Variants in TULP4 observed in about 807,000 individuals in gnomAD.
TULP4 encodes tubby-related protein 4.
In TULP4, 16 loss-of-function variants were observed where a neutral mutation model predicts 129.0. That is an observed-to-expected ratio of 0.12 (90% CI 0.08 to 0.19). TULP4 has a LOEUF of 0.19. Ranked by LOEUF, TULP4 falls within the 10% of genes least tolerant of loss-of-function variation. TULP4 has a pLI of 1.00. For synonymous variants in TULP4, 998 were observed against 854.0 expected (o/e 1.17, Z -2.94); for missense variants, 1,842 against 2,059.1 (o/e 0.89, Z 2.04).
chr6:158,451,732 C>G (rs1236367760), intron 4 of TULP4, among the ~76,000 whole-genome samples: 4 of 152,236 alleles, frequency 2.6e-5, no homozygotes, highest in Non-Finnish European at 4.4e-5. Context: ...ACTTTTTTCT[C>G]TCTTAGACCA....
chr6:158,415,664 C>G (rs911246905), intron 2 of TULP4, among the ~76,000 whole-genome samples: 1 of 148,392 alleles, frequency 6.7e-6, no homozygotes, highest in African/African-American at 2.5e-5. Flanking sequence ...CCGGCCGCTT[C>G]TACTTATTAA....
chr6:158,307,443 C>A, intron 1 of TULP4, among the ~76,000 whole-genome samples: 1 of 152,154 alleles, frequency 6.6e-6, no homozygotes, highest in Non-Finnish European at 1.5e-5. Flanking sequence ...ATTTTTCATC[C>A]TTGGTTACAT....
chr6:158,412,728 G>A (rs1778123566), intron 1 of TULP4, among the ~76,000 whole-genome samples: 1 of 152,144 alleles, frequency 6.6e-6, no homozygotes, highest in Admixed American at 6.5e-5. Context: ...AGTAAATGTT[G>A]TTAAAATAGT....
chr6:158,255,267 G>A (rs1020491007), intron 1 of TULP4, among the ~76,000 whole-genome samples: 4 of 151,990 alleles, frequency 2.6e-5, no homozygotes, highest in Admixed American at 1.3e-4. Context: ...ATTGATAACC[G>A]GCAGACCCTG....
upstream of TULP4, among the ~76,000 whole-genome samples, chr6:158,279,741 T>A (rs1384340422): frequency 1.3e-5 from 2 of 152,220 alleles, no homozygotes; most frequent in Non-Finnish European, 2.9e-5. Flanking sequence ...CCCGCTAGAA[T>A]GGTGTAGGTC....
intron 6 of TULP4, among the ~76,000 whole-genome samples, chr6:158,474,066 C>T (rs2128247608): frequency 6.6e-6 from 1 of 152,364 alleles, no homozygotes; most frequent in East Asian, 1.9e-4. Context: ...AGCAATCTTC[C>T]TGCCTCAGCC....
In TULP4 at chr6:158,429,844, A is replaced by C. The variant is rs1332052318; in HGVS notation, c.490A>C (p.Ile164Leu). Reference protein sequence around the residue: ...VSGQRHWSSEINLESQITCGI... With the variant: ...VSGQRHWSSELNLESQITCGI... ...TGGACAAAGACACTGGTCATCCGAA[A>C]TCAACTTGGAAAGTCAAATTACGTG... The change falls in exon 3 of 14, where the codon ATC becomes CTC. Residue 164 changes from isoleucine to leucine, a missense_variant. By Grantham distance (5) the Ile-to-Leu change is conservative. Around this residue, in one of 5 missense-constraint regions of TULP4, gnomAD observed 151 missense variants for 268.7 expected, o/e 0.56. Transcript: ENST00000367097. 6.2e-7 allele frequency: 1 copy of C among 1,614,182 alleles called. No individual in the cohort carries two copies. Among genetic ancestry groups the C allele is most frequent in the Non-Finnish European group, 8.5e-7 (1 of 1,180,042 alleles).
chr6:158,456,404 G>A (rs1243228934), intron 5 of TULP4, among the ~76,000 whole-genome samples: 2 of 152,124 alleles, frequency 1.3e-5, no homozygotes, highest in Non-Finnish European at 2.9e-5. Context: ...GAGATTTTTT[G>A]TTTGTTTAAG....
chr6:158,440,390 A>T (rs1460039276), intron 3 of TULP4, among the ~76,000 whole-genome samples: 1 of 151,712 alleles, frequency 6.6e-6, no homozygotes, highest in African/African-American at 2.4e-5. Flanking sequence ...TCTACACTGG[A>T]AACCCTTACT....
At chr6:158,240,755 C>A (rs546196435) in intron 1 of TULP4, among the ~76,000 whole-genome samples, 1 of 120,932 alleles carries the variant, frequency 8.3e-6, no homozygotes, top group South Asian at 2.6e-4. Flanking sequence ...GGCTGACCCC[C>A]CCACCTCCCT....
chr6:158,479,613 A>G, intron 6 of TULP4, 138 bp from the exon 7 acceptor site: 5 of 780,328 alleles, frequency 6.4e-6, no homozygotes, highest in Non-Finnish European at 1.0e-5. Context: ...ATAGTGTCTA[A>G]CATTCTCTAC....
intron 1 of TULP4, among the ~76,000 whole-genome samples, chr6:158,239,619 G>A (rs1777812431): frequency 3.0e-5 from 2 of 66,648 alleles, no homozygotes; most frequent in African/African-American, 5.0e-5. Context: ...CCCGGACGGG[G>A]CGGCTGGCCG....
intron 1 of TULP4, among the ~76,000 whole-genome samples, chr6:158,375,195 A>C (rs1309538844): frequency 6.6e-6 from 1 of 152,198 alleles, no homozygotes; most frequent in Non-Finnish European, 1.5e-5. Context: ...GTGAACCGAG[A>C]TCGCACCATG....
At chr6:158,350,764 C>A (rs1187749435) in intron 1 of TULP4, among the ~76,000 whole-genome samples, 2 of 141,758 alleles carry the variant, frequency 1.4e-5, no homozygotes, top group East Asian at 4.2e-4. Context: ...GAGGGGAGAG[C>A]TTTTTTTTTT....
intron 1 of TULP4, among the ~76,000 whole-genome samples, chr6:158,324,112 T>C (rs553378018): frequency 1.3e-5 from 2 of 152,304 alleles, no homozygotes; most frequent in African/African-American, 4.8e-5. Context: ...AAAATGCACT[T>C]ACTAGAATTT....
At chr6:158,404,129 A>G (rs1472498778) in intron 1 of TULP4, among the ~76,000 whole-genome samples, 1 of 152,182 alleles carries the variant, frequency 6.6e-6, no homozygotes, top group African/African-American at 2.4e-5. Context: ...AACCTTTCTT[A>G]TGGTGAGTTC....
chr6:158,350,789 C>G (rs1780499528), intron 1 of TULP4, among the ~76,000 whole-genome samples: 1 of 149,836 alleles, frequency 6.7e-6, no homozygotes, highest in Non-Finnish European at 1.5e-5. Context: ...AAAGAAGAGT[C>G]TTGCTCTGTT....
chr6:158,441,238 C>G (rs538292478), intron 3 of TULP4, among the ~76,000 whole-genome samples: 1 of 150,994 alleles, frequency 6.6e-6, no homozygotes, highest in Non-Finnish European at 1.5e-5. Flanking sequence ...TGCTTGAACC[C>G]GAAGGCAGAG....
At chr6:158,377,316 A>G (rs1777215895) in intron 1 of TULP4, among the ~76,000 whole-genome samples, 1 of 152,242 alleles carries the variant, frequency 6.6e-6, no homozygotes, top group African/African-American at 2.4e-5. Flanking sequence ...ATGATTTTAT[A>G]TGTGCCAGGT....
Sources: gnomAD v4.1 joint callset for allele counts (sites outside exome capture counted in the v4.1 genomes callset) on GRCh38, gnomAD v4.1.1 for gene constraint, gnomAD v4.1.1 regional missense constraint, MANE v1.5 for transcripts, NCBI Gene and HGNC (gene_info 2026-07-23, HGNC 2026-07-21) for gene names.